CSE1L: variants seen among roughly 807,000 people sequenced by gnomAD.
CSE1L encodes the protein exportin-2.
A neutral mutation model predicts 120.4 loss-of-function variants in CSE1L; 24 were observed. That is an observed-to-expected ratio of 0.20 (90% CI 0.14 to 0.28). The LOEUF (loss-of-function observed/expected upper bound fraction) is 0.28, where lower values mean the gene tolerates loss of function less well. Ranked by LOEUF, CSE1L falls within the 10% of genes least tolerant of loss-of-function variation. CSE1L has a pLI of 1.00. For synonymous variants in CSE1L, 402 were observed against 398.3 expected (o/e 1.01, Z -0.11); for missense variants, 830 against 1,145.2 (o/e 0.72, Z 3.97).
In CSE1L at chr20:49,085,286, T is replaced by G; in HGVS notation, c.1623T>G (p.Phe541Leu). ...TMRGPNNATL[F>L]TAAEIAPFVE... Reference sequence around the variant, plus strand: ...AAAGCTGTTTTTTCATCTATAGCTTTACAGCTGCAGAAATCGCACCGTTTG... The same window carrying G: ...AAAGCTGTTTTTTCATCTATAGCTTGACAGCTGCAGAAATCGCACCGTTTG... Residue 541 changes from phenylalanine to leucine, a missense_variant, in exon 16 of 25, where the codon TTT becomes TTG. Around this residue, in one of 4 missense-constraint regions of CSE1L, gnomAD observed 543 missense variants for 640.2 expected, o/e 0.85. Transcript: ENST00000262982. The G allele has an allele frequency of 6.2e-7, 1 of 1,613,766 alleles. No homozygotes were observed.
chr20:49,071,938 AGCCTGG>A (rs1231020662), intron 8 of CSE1L, among the ~76,000 whole-genome samples: 1 of 138,648 alleles, frequency 7.2e-6, no homozygotes, highest in Non-Finnish European at 1.5e-5. Context: ...ACTGCACTCC[AGCCTGG>A]GCAACAGAGG....
chr20:49,080,437 G>C (rs914405047), intron 14 of CSE1L, among the ~76,000 whole-genome samples: 7 of 151,920 alleles, frequency 4.6e-5, no homozygotes, highest in Non-Finnish European at 7.4e-5. Flanking sequence ...GAAGGAGAAC[G>C]TTACATTGTC....
chr20:49,077,201 C>G (rs985645089), intron 13 of CSE1L, 137 bp downstream of exon 13: 2 of 560,882 alleles, frequency 3.6e-6, no homozygotes, highest in Non-Finnish European at 6.1e-6. Context: ...ACTCTGTTAC[C>G]CAGGCTGGAG....
At chr20:49,081,452 T>C (rs2092012497) in intron 14 of CSE1L, among the ~76,000 whole-genome samples, 1 of 152,228 alleles carries the variant, frequency 6.6e-6, no homozygotes, top group Non-Finnish European at 1.5e-5. Context: ...CCCAGCCATA[T>C]TGCATTACTT....
intron 14 of CSE1L, among the ~76,000 whole-genome samples, chr20:49,082,786 GC>G (rs1386002739): frequency 6.6e-6 from 1 of 152,146 alleles, no homozygotes; most frequent in African/African-American, 2.4e-5. Flanking sequence ...CTCCCAAAGT[GC>G]TGGGATTACA....
At chr20:49,088,553 GTTTA>G (rs962799033) in intron 17 of CSE1L, among the ~76,000 whole-genome samples, 1 of 152,132 alleles carries the variant, frequency 6.6e-6, no homozygotes, top group Non-Finnish European at 1.5e-5. Flanking sequence ...TTAGATTCAT[GTTTA>G]TTAACACTAA....
intron 19 of CSE1L, 99 bp from the exon 20 acceptor site, chr20:49,090,643 T>C: frequency 1.2e-6 from 1 of 864,278 alleles, no homozygotes; most frequent in Non-Finnish European, 1.9e-6. Flanking sequence ...AAGGATAGAT[T>C]ATTACAGTAT....
At chr20:49,082,015 A>G (rs1266614360) in intron 14 of CSE1L, among the ~76,000 whole-genome samples, 3 of 152,078 alleles carry the variant, frequency 2.0e-5, no homozygotes, top group Non-Finnish European at 4.4e-5. Flanking sequence ...TGTATTTGAC[A>G]CCCATGGAAG....
At chr20:49,077,153 C>CCT in intron 13 of CSE1L, 89 bp downstream of exon 13, 1 of 401,512 alleles carries the variant, frequency 2.5e-6, no homozygotes. Flanking sequence ...CCCTTTTGTT[C>CCT]TTTTTTTTTT....
chr20:49,090,623 T>G, intron 19 of CSE1L, 119 bp from the exon 20 acceptor site: 1 of 756,648 alleles, frequency 1.3e-6, no homozygotes, highest in South Asian at 1.8e-5. Flanking sequence ...TCAGAAATAA[T>G]TAAAGAGAAA....
At chr20:49,079,985 A>G (rs928443570) in intron 14 of CSE1L, among the ~76,000 whole-genome samples, 5 of 152,134 alleles carry the variant, frequency 3.3e-5, no homozygotes, top group Non-Finnish European at 5.9e-5. Flanking sequence ...GAGACATGAG[A>G]ATCACTTGAA....
intron 24 of CSE1L, chr20:49,096,064 T>C: frequency 1.8e-6 from 1 of 546,744 alleles, no homozygotes; most frequent in Admixed American, 2.8e-5. Context: ...ACATCATACG[T>C]TTCACGCGTA....
intron 2 of CSE1L, among the ~76,000 whole-genome samples, chr20:49,062,322 G>T (rs1199431428): frequency 6.6e-6 from 1 of 152,066 alleles, no homozygotes; most frequent in Non-Finnish European, 1.5e-5. Flanking sequence ...TCAGAAAGAG[G>T]GAAGGTGTTA....
At chr20:49,085,562 A>ATTTTTTTTTTTTTTTTTTTTTTTTTTT (rs11471947) in intron 16 of CSE1L, among the ~76,000 whole-genome samples, 176 bp downstream of exon 16, 2 of 80,204 alleles carry the variant, frequency 2.5e-5, no homozygotes, top group Non-Finnish European at 4.8e-5. Context: ...ACTAACAATA[A>ATTTTTTTTTTTTTTTTTTTTTTTTTTT]TTTTTTTTTT....
intron 1 of CSE1L, among the ~76,000 whole-genome samples, chr20:49,053,764 T>G (rs369188720): frequency 6.6e-6 from 1 of 152,206 alleles, no homozygotes; most frequent in Non-Finnish European, 1.5e-5. Flanking sequence ...AAAGGAGTTC[T>G]ATAGCCAAAT....
intron 16 of CSE1L, among the ~76,000 whole-genome samples, chr20:49,087,351 C>CTTTTTTTTTTTTT (rs11483071): frequency 1.9e-4 from 22 of 116,284 alleles, no homozygotes; most frequent in Non-Finnish European, 2.4e-4. Context: ...TTTTCTTTTT[C>CTTTTTTTTTTTTT]TTTTTTTTTT....
At chr20:49,082,404 A>G (rs974089399) in intron 14 of CSE1L, among the ~76,000 whole-genome samples, 1 of 152,100 alleles carries the variant, frequency 6.6e-6, no homozygotes, top group Non-Finnish European at 1.5e-5. Flanking sequence ...TTGGCCTCCC[A>G]AAGTGCTGGG....
chr20:49,068,892 A>G, intron 7 of CSE1L, 70 bp downstream of exon 7: 2 of 1,081,544 alleles, frequency 1.8e-6, no homozygotes, highest in Non-Finnish European at 2.8e-6. Flanking sequence ...TTTCTGTTTG[A>G]TAAAGACTTC....
At chr20:49,084,701 A>T (rs1276698977) in intron 15 of CSE1L, among the ~76,000 whole-genome samples, 1 of 152,200 alleles carries the variant, frequency 6.6e-6, no homozygotes, top group Non-Finnish European at 1.5e-5. Flanking sequence ...CTGAACCAGG[A>T]TGAAATGTAG....
Sources: allele counts gnomAD v4.1 joint callset (sites outside exome capture counted in the v4.1 genomes callset), GRCh38; gene constraint gnomAD v4.1.1; regional missense constraint gnomAD v4.1.1; transcripts MANE v1.5; gene names NCBI Gene and HGNC (gene_info 2026-07-23, HGNC 2026-07-21).